QPCT: variants seen among roughly 807,000 people sequenced by gnomAD.
The protein encoded by QPCT is EC.
QPCT carries 44 observed loss-of-function variants against 43.4 expected under a neutral mutation model. The ratio of observed to expected loss-of-function variants is 1.01; its 90% CI spans 0.80 to 1.30. The LOEUF (loss-of-function observed/expected upper bound fraction) is 1.30. Among genes scored for constraint, QPCT ranks in the 50% most tolerant of loss-of-function variants. The probability of loss-of-function intolerance (pLI) is 0.00; values close to 1 mark genes in which losing one functional copy is unlikely to be tolerated. For missense variants in QPCT, 526 were observed against 436.5 expected (o/e 1.21, Z -1.83); for synonymous variants, 168 against 168.4 (o/e 1.00, Z 0.02).
intron 1 of QPCT, among the ~76,000 whole-genome samples, chr2:37,352,311 C>T (rs544101703): frequency 6.6e-6 from 1 of 152,132 alleles, no homozygotes; most frequent in African/African-American, 2.4e-5. Flanking sequence ...CTTAGGCTAA[C>T]AGTTGGGTTT....
chr2:37,360,834 A>G (rs897981124), intron 3 of QPCT, among the ~76,000 whole-genome samples: 1 of 152,106 alleles, frequency 6.6e-6, no homozygotes, highest in African/African-American at 2.4e-5. Flanking sequence ...GCTTTTAACT[A>G]GTTTCCTTCC....
intron 5 of QPCT, among the ~76,000 whole-genome samples, chr2:37,371,035 A>G (rs1188032194): frequency 6.6e-6 from 1 of 152,202 alleles, no homozygotes; most frequent in Non-Finnish European, 1.5e-5. Context: ...CACTTTTGCC[A>G]TGAGTAAAGA....
rs148163975 is a variant in QPCT, at chr2:37,354,744, T to C, written c.267+1809T>C. Among the ~76,000 whole-genome samples the C allele has an allele frequency of 1.4e-4, 21 of 152,322 alleles. No individual in the cohort carries two copies. In the East Asian group the frequency reaches 1.9e-3, roughly 14 times the overall value. On this transcript the variant is annotated intron_variant, in intron 2 of 6. Coordinates refer to ENST00000338415, the MANE Select transcript of QPCT (RefSeq NM_012413.4). ...CTTAAAAGAAGGCCAGGGCATTTAA[T>C]TGGCATTTTCCAAAAGCCTCAGTTC... is the stretch of plus-strand genomic sequence containing the variant.
intron 1 of QPCT, among the ~76,000 whole-genome samples, chr2:37,350,351 C>T (rs575089865): frequency 2.6e-5 from 4 of 152,326 alleles, no homozygotes; most frequent in East Asian, 1.9e-4. Flanking sequence ...CTTATCCCTT[C>T]GCACATTTCT....
intron 3 of QPCT, among the ~76,000 whole-genome samples, chr2:37,363,069 T>G (rs777621456): frequency 3.9e-5 from 6 of 152,114 alleles, no homozygotes; most frequent in Non-Finnish European, 5.9e-5. Context: ...AACAGTGAGA[T>G]CTATAGTTTC....
chr2:37,351,221 C>A (rs76610995), intron 1 of QPCT, among the ~76,000 whole-genome samples: 3,633 of 152,318 alleles, frequency 0.024, 67 homozygotes, highest in Middle Eastern at 0.051. Context: ...ATAAAATAGG[C>A]CTCTCCTAAT....
chr2:37,354,189 C>G (rs1672691991), intron 2 of QPCT, among the ~76,000 whole-genome samples: 1 of 152,196 alleles, frequency 6.6e-6, no homozygotes. Context: ...GCCCAGTGTA[C>G]AGCCTCTGCC....
At chr2:37,371,766 C>A (rs1558608394) in intron 5 of QPCT, among the ~76,000 whole-genome samples, 2 of 152,164 alleles carry the variant, frequency 1.3e-5, no homozygotes, top group African/African-American at 4.8e-5. Context: ...TTGCTGGACT[C>A]CAGCCCCAGA....
intron 3 of QPCT, among the ~76,000 whole-genome samples, chr2:37,360,959 A>G (rs927632463): frequency 1.3e-5 from 2 of 152,194 alleles, no homozygotes; most frequent in African/African-American, 4.8e-5. Flanking sequence ...GTTCTGTGTA[A>G]TGGATGTATT....
At chr2:37,345,858 A>G (rs2124928856) in intron 1 of QPCT, among the ~76,000 whole-genome samples, 1 of 151,620 alleles carries the variant, frequency 6.6e-6, no homozygotes, top group South Asian at 2.1e-4. Flanking sequence ...AAAAAAAAGA[A>G]GTATATGGGT....
At position 37,372,475 on chromosome 2, in the gene QPCT, AAT is replaced by A. The variant is rs1491148339; in HGVS notation, c.940+4_940+5del. 3.1e-6 allele frequency: 5 copies of A among 1,595,704 alleles called. No individual in the cohort carries two copies. The highest frequency in any genetic ancestry group is 4.3e-6 in the Non-Finnish European group (5 of 1,163,620). ...CCATATTCCATTTTTAAGAAGAGGT[AAT>A]GTGTGTGTGTGTGTGTGTTTGTGTG... On this transcript the variant is annotated splice_donor_5th_base_variant and intron_variant, in intron 6 of 6. Transcript: ENST00000338415.
intron 2 of QPCT, among the ~76,000 whole-genome samples, chr2:37,354,014 G>A (rs1440134264): frequency 1.3e-5 from 2 of 152,202 alleles, no homozygotes; most frequent in Non-Finnish European, 2.9e-5. Flanking sequence ...ACAGGCGCAC[G>A]CCACCATGCC....
intron 2 of QPCT, among the ~76,000 whole-genome samples, chr2:37,357,945 T>C (rs999972683): frequency 6.6e-6 from 1 of 152,096 alleles, no homozygotes; most frequent in Admixed American, 6.5e-5. Context: ...TTAAGGTCCA[T>C]CCCAGATCTA....
At position 37,344,726 on chromosome 2, in the gene QPCT, G is replaced by C. The variant is rs763396517; in HGVS notation, c.-6G>C. 23 of 1,600,246 alleles carry C rather than the reference G, an allele frequency of 1.4e-5. No individual in the cohort carries two copies. In the Middle Eastern group the frequency reaches 8.3e-4, roughly 58 times the overall value. On this transcript the variant is annotated 5_prime_UTR_variant, in exon 1 of 7. Transcript: ENST00000338415. Reference sequence around the variant, plus strand: ...GGGGAACCCGCTCCCAGACAGACTCGGAGAGATGGCAGGCGGAAGACACCG... The same window carrying C: ...GGGGAACCCGCTCCCAGACAGACTCCGAGAGATGGCAGGCGGAAGACACCG...
rs185945104 is a variant in QPCT at position 37,346,905 on chromosome 2, G to A, written c.120+2054G>A. 2.6e-5 allele frequency among the ~76,000 whole-genome samples: 4 copies of A among 151,882 alleles called. No individual in the cohort carries two copies. In the East Asian group the frequency reaches 5.8e-4, roughly 22 times the overall value. Reference sequence around the variant, plus strand: ...TAACAGGTGAGGTGTGGTAAAGAAAGCATTGATTTTGAAATCCATTTCCTT... The same window carrying A: ...TAACAGGTGAGGTGTGGTAAAGAAAACATTGATTTTGAAATCCATTTCCTT... On this transcript the variant is annotated intron_variant, in intron 1 of 6. Coordinates refer to ENST00000338415, the MANE Select transcript of QPCT (RefSeq NM_012413.4).
chr2:37,359,228 A>G (rs1672812350), intron 2 of QPCT, among the ~76,000 whole-genome samples: 2 of 152,070 alleles, frequency 1.3e-5, no homozygotes, highest in African/African-American at 4.8e-5. Flanking sequence ...CCCTCTGCCA[A>G]ATATATGTGT....
At chr2:37,346,350 C>T (rs1244142287) in intron 1 of QPCT, among the ~76,000 whole-genome samples, 2 of 152,166 alleles carry the variant, frequency 1.3e-5, no homozygotes, top group Non-Finnish European at 2.9e-5. Flanking sequence ...ACAAAAAATC[C>T]TCTCCTTCTC....
intron 1 of QPCT, among the ~76,000 whole-genome samples, chr2:37,349,389 C>G (rs1347196017): frequency 6.6e-6 from 1 of 152,322 alleles, no homozygotes; most frequent in African/African-American, 2.4e-5. Context: ...TAGGTTTCAT[C>G]TGCAGTATCT....
At chr2:37,363,534 G>A (rs1279692056) in intron 3 of QPCT, among the ~76,000 whole-genome samples, 1 of 151,404 alleles carries the variant, frequency 6.6e-6, no homozygotes, top group Non-Finnish European at 1.5e-5. Flanking sequence ...GGGAGGCTGA[G>A]GCAGGAGGAT....
Sources: gnomAD v4.1 joint callset for allele counts (sites outside exome capture counted in the v4.1 genomes callset) on GRCh38, gnomAD v4.1.1 for gene constraint, MANE v1.5 for transcripts, NCBI Gene and HGNC (gene_info 2026-07-23, HGNC 2026-07-21) for gene names.